Variants in ZNF565 observed in about 807,000 individuals in gnomAD.
ZNF565 encodes the protein zinc finger protein 565.
Under a neutral mutation model 39.4 loss-of-function variants are expected in ZNF565, and 27 were observed. That is an observed-to-expected ratio of 0.69 (90% CI 0.51 to 0.95). ZNF565 has a LOEUF of 0.95. Among genes scored for constraint, ZNF565 ranks in the 40% least tolerant of loss-of-function variants. The pLI is 0.00. For missense variants in ZNF565, 524 were observed against 621.1 expected, an observed-to-expected ratio of 0.84 and a Z score of 1.66; for synonymous variants, 185 against 216.6, an observed-to-expected ratio of 0.85 and a Z score of 1.28.
rs1568429068 is a variant in ZNF565 at position 36,220,337 on chromosome 19, TCTTAGCTCCTAGTTC to T, written c.56-18302_56-18288del. On this transcript the variant is annotated intron_variant, in intron 1 of 4. Transcript: ENST00000355114. ...AATGGTATAGTATTTTTACCTAATT[TCTTAGCTCCTAGTTC>T]TTTTTTTTAATTTAATTTTATTTTA... Among the ~76,000 whole-genome samples, 464 of 115,190 alleles carry T rather than the reference TCTTAGCTCCTAGTTC, an allele frequency of 4.0e-3. 16 individuals are homozygous for T. The highest frequency in any genetic ancestry group is 0.014 in the Middle Eastern group (3 of 216). The allele number at this position is 115,190 out of a possible 152,430, so 75.6% of individuals were successfully genotyped here.
intron 1 of ZNF565, among the ~76,000 whole-genome samples, chr19:36,233,312 C>T (rs114892214): frequency 0.011 from 1,700 of 152,140 alleles, 35 homozygotes; most frequent in African/African-American, 0.038. Flanking sequence ...GCCAGGAGGC[C>T]GAGGTTGCAG....
At position 36,200,003 on chromosome 19, in the gene ZNF565, C is replaced by T. The variant is rs147308313; in HGVS notation, c.9+1974G>A. Among the ~76,000 whole-genome samples the T allele has an allele frequency of 2.6e-3, 401 of 151,962 alleles. 3 individuals are homozygous for T. The highest frequency in any genetic ancestry group is 8.9e-3 in the African/African-American group (371 of 41,484). Reference sequence around the variant, plus strand: ...GGTTATATCTATCAACATTTTCCCACCTTAGAAATTAAAAGAAAGAAATAT... The same window carrying T: ...GGTTATATCTATCAACATTTTCCCATCTTAGAAATTAAAAGAAAGAAATAT... On this transcript the variant is annotated intron_variant, in intron 2 of 4. Coordinates refer to ENST00000304116, the MANE Select transcript of ZNF565 (RefSeq NM_152477.5).
chr19:36,198,125 G>A lies in ZNF565; in HGVS notation c.10-2969C>T, dbSNP rs568693722. On this transcript the variant is annotated intron_variant, in intron 2 of 4. Coordinates refer to ENST00000304116, the MANE Select transcript of ZNF565 (RefSeq NM_152477.5). ...GCATGGGCAACAAGAATGAAATTCC[G>A]TTTAAAAAAAAAAAAGAAAGAAAGA... Among the ~76,000 whole-genome samples, 15 of 150,502 alleles carry A rather than the reference G, an allele frequency of 1.0e-4. No homozygotes were observed. In the South Asian group the frequency reaches 2.1e-3, roughly 21 times the overall value.
chr19:36,199,571 G>T (rs1323632994), intron 2 of ZNF565, among the ~76,000 whole-genome samples: 1 of 143,044 alleles, frequency 7.0e-6, no homozygotes. Context: ...GCAGTGGCAT[G>T]ATCTCGGCTC....
chr19:36,192,355 C>CT (rs1375786654), intron 4 of ZNF565, among the ~76,000 whole-genome samples: 1 of 152,152 alleles, frequency 6.6e-6, no homozygotes, highest in East Asian at 1.9e-4. Flanking sequence ...AACATCACTT[C>CT]TGTGATATTC....
At chr19:36,183,960 C>A (rs1359756364) in intron 4 of ZNF565, among the ~76,000 whole-genome samples, 1 of 151,144 alleles carries the variant, frequency 6.6e-6, no homozygotes, top group South Asian at 2.1e-4. Flanking sequence ...CACCTGTAAT[C>A]CCAGCTACTA....
intron 1 of ZNF565, among the ~76,000 whole-genome samples, chr19:36,227,228 A>G (rs1189086852): frequency 6.6e-6 from 1 of 150,418 alleles, no homozygotes; most frequent in Non-Finnish European, 1.5e-5. Context: ...GTCTCTACTA[A>G]AATTACAAAA....
In ZNF565 at chr19:36,221,210, C is replaced by A. The variant is rs946440516; in HGVS notation, c.56-19160G>T. On this transcript the variant is annotated intron_variant, in intron 1 of 4. Coordinates refer to the ZNF565 transcript ENST00000355114. ...ACTCTGTTCTAAAGTCATTTGAAAT[C>A]GTTTTTCTGAGGAATTATGTTACTA... 5.3e-5 allele frequency among the ~76,000 whole-genome samples: 8 copies of A among 150,082 alleles called. No homozygotes were observed. The East Asian group carries it at 1.4e-3, about 26-fold the overall frequency.
chr19:36,211,488 A>ACACACACACACAC (rs1568423884), intron 1 of ZNF565, among the ~76,000 whole-genome samples: 3 of 111,840 alleles, frequency 2.7e-5, no homozygotes, highest in African/African-American at 9.9e-5. Context: ...CACACACACA[A>ACACACACACACAC]TTCTAATTAA....
chr19:36,191,411 T>C (rs971440037), intron 4 of ZNF565, among the ~76,000 whole-genome samples: 1 of 150,768 alleles, frequency 6.6e-6, no homozygotes, highest in African/African-American at 2.4e-5. Flanking sequence ...CTCTGCCTCC[T>C]GAACCATTTT....
chr19:36,206,510 T>C (rs1169770468), intron 1 of ZNF565, among the ~76,000 whole-genome samples: 3 of 151,886 alleles, frequency 2.0e-5, no homozygotes, highest in Non-Finnish European at 2.9e-5. Flanking sequence ...GGTATGGCCA[T>C]AGACATGATA....
intron 4 of ZNF565, among the ~76,000 whole-genome samples, chr19:36,191,607 C>T (rs1000272288): frequency 8.5e-5 from 13 of 152,058 alleles, no homozygotes; most frequent in African/African-American, 2.9e-4. Flanking sequence ...AAAGCCTGAA[C>T]GATTCGAGCA....
chr19:36,186,917 G>A (rs375362650), intron 4 of ZNF565, among the ~76,000 whole-genome samples: 82 of 152,258 alleles, frequency 5.4e-4, no homozygotes, highest in African/African-American at 2.0e-3. Flanking sequence ...GTGGCCGGGT[G>A]CGGTGACTCA....
Position 36,245,386 on chromosome 19 carries a change from A to G in ZNF565, c.55+90T>C. 1.4e-6 allele frequency: 1 copy of G among 696,712 alleles called. No homozygotes were observed. The highest frequency in any genetic ancestry group is 2.6e-6 in the Non-Finnish European group (1 of 381,692). 43.2% of individuals were successfully genotyped at this position (696,712 alleles called of 1,614,324 possible). A position where few individuals can be genotyped will look rare whatever the true frequency, so the allele number is the denominator to read the frequency against. On this transcript the variant is annotated intron_variant, in intron 1 of 4. Transcript: ENST00000355114. This position sits in a 1 kb window ranked among gnomAD's most constrained non-coding sequence, Gnocchi z 4.4. ...TGGCGGGCTCGAAGGGAGGACAGTC[A>G]CTGCGACCCGGAAAGCTCCGCGCTT... is the stretch of plus-strand genomic sequence containing the variant.
At chr19:36,238,423 A>T (rs1977724452) in intron 1 of ZNF565, 1 of 167,090 alleles carries the variant, frequency 6.0e-6, no homozygotes, top group Non-Finnish European at 1.5e-5. Flanking sequence ...TGGGATGGGT[A>T]TTGGTTAAAG....
At chr19:36,209,112 G>A (rs746500803) in intron 1 of ZNF565, among the ~76,000 whole-genome samples, 6 of 152,050 alleles carry the variant, frequency 3.9e-5, no homozygotes, top group African/African-American at 4.8e-5. Context: ...GATTACAGGC[G>A]TAATCATTTA....
chr19:36,234,644 A>T (rs1252626388), intron 1 of ZNF565, among the ~76,000 whole-genome samples: 3 of 152,116 alleles, frequency 2.0e-5, no homozygotes, highest in Non-Finnish European at 4.4e-5. Context: ...TGATCCGCCC[A>T]CCTCGGCCTC....
chr19:36,208,383 A>G (rs1976235085), intron 1 of ZNF565, among the ~76,000 whole-genome samples: 1 of 151,900 alleles, frequency 6.6e-6, no homozygotes, highest in East Asian at 1.9e-4. Flanking sequence ...AATTTTTTGT[A>G]AAGACAGGGT....
chr19:36,215,362 G>A (rs1369316906), upstream of ZNF565, among the ~76,000 whole-genome samples: 1 of 152,148 alleles, frequency 6.6e-6, no homozygotes, highest in Non-Finnish European at 1.5e-5. Flanking sequence ...GTGTGACCGA[G>A]TTTGTCCTCA....
Sources: gnomAD v4.1 joint callset for allele counts (sites outside exome capture counted in the v4.1 genomes callset) on GRCh38, gnomAD v4.1.1 for gene constraint, Gnocchi (gnomAD v3.1) non-coding constraint, MANE v1.5 for transcripts, NCBI Gene and HGNC (gene_info 2026-07-23, HGNC 2026-07-21) for gene names.